The following YEATS2 variants were observed in gnomAD, a reference collection of about 807,000 sequenced individuals.
YEATS2 encodes YEATS domain containing 2, also known as YEATS domain-containing protein 2.
A neutral mutation model predicts 163.2 loss-of-function variants in YEATS2; 77 were observed. The observed-to-expected ratio is 0.47, with a 90% CI of 0.39 to 0.57. YEATS2 has a LOEUF of 0.57. Among genes scored for constraint, YEATS2 ranks in the 20% least tolerant of loss-of-function variants. YEATS2 has a pLI of 0.00. For missense variants in YEATS2, 1,549 were observed against 1,729.8 expected (o/e 0.90, Z 1.85); for synonymous variants, 631 against 645.1 (o/e 0.98, Z 0.33).
intron 1 of YEATS2, among the ~76,000 whole-genome samples, chr3:183,699,369 G>C (rs1713822426): frequency 6.6e-6 from 1 of 151,694 alleles, no homozygotes; most frequent in African/African-American, 2.4e-5. Context: ...TGAGGCAGTT[G>C]GATGTAGAGG....
chr3:183,716,508 G>C (rs932536507), intron 2 of YEATS2, among the ~76,000 whole-genome samples: 1 of 152,044 alleles, frequency 6.6e-6, no homozygotes, highest in Non-Finnish European at 1.5e-5. Flanking sequence ...ATCCCAAATA[G>C]TGAAAACATT....
chr3:183,793,891 G>A (rs1724903978), intron 21 of YEATS2, among the ~76,000 whole-genome samples: 2 of 152,130 alleles, frequency 1.3e-5, no homozygotes, highest in Admixed American at 1.3e-4. Flanking sequence ...AGGATTACAG[G>A]CGTGAGCCAC....
intron 14 of YEATS2, 112 bp downstream of exon 14, chr3:183,761,726 C>G (rs1047262933): frequency 3.8e-5 from 36 of 954,396 alleles, no homozygotes; most frequent in Non-Finnish European, 5.3e-5. Context: ...CTCAACTCCT[C>G]ATTCTGAGAC....
chr3:183,783,115 A>G (rs1339577563), intron 19 of YEATS2, among the ~76,000 whole-genome samples: 1 of 152,254 alleles, frequency 6.6e-6, no homozygotes, highest in Non-Finnish European at 1.5e-5. Context: ...GAATCTAGTC[A>G]TAACTTTTTC....
chr3:183,724,608 A>G (rs1179926664), intron 6 of YEATS2, 77 bp downstream of exon 6: 4 of 991,054 alleles, frequency 4.0e-6, no homozygotes, highest in Middle Eastern at 2.1e-4. Context: ...ACAGTGTTAC[A>G]GTAGGAAGCA....
chr3:183,747,221 A>G (rs770085070), intron 8 of YEATS2, among the ~76,000 whole-genome samples: 26 of 152,170 alleles, frequency 1.7e-4, no homozygotes, highest in Non-Finnish European at 2.9e-4. Flanking sequence ...GAATGTATGC[A>G]TTTAAAATAT....
intron 1 of YEATS2, among the ~76,000 whole-genome samples, chr3:183,701,398 AT>A (rs1395767542): frequency 7.8e-6 from 1 of 128,230 alleles, no homozygotes; most frequent in Non-Finnish European, 1.7e-5. Flanking sequence ...CAATATATAT[AT>A]TTTTTGAGAC....
chr3:183,801,405 C>G (rs764283754), intron 24 of YEATS2, 50 bp from the exon 25 acceptor site: 2 of 1,381,296 alleles, frequency 1.4e-6, no homozygotes, highest in African/African-American at 1.4e-5. Flanking sequence ...GCTATAGAAA[C>G]TGCTACATGT....
At chr3:183,769,637 ACT>A (rs911409669) in intron 15 of YEATS2, among the ~76,000 whole-genome samples, 60 of 152,324 alleles carry the variant, frequency 3.9e-4, no homozygotes, top group African/African-American at 1.4e-3. Flanking sequence ...CGAAACCTGC[ACT>A]GTTTCCTCTT....
intron 12 of YEATS2, among the ~76,000 whole-genome samples, chr3:183,758,448 T>A (rs925097998): frequency 2.0e-5 from 3 of 152,236 alleles, no homozygotes; most frequent in Non-Finnish European, 4.4e-5. Context: ...ATGCATATAT[T>A]CTGGCACATT....
intron 12 of YEATS2, among the ~76,000 whole-genome samples, chr3:183,757,352 G>A (rs567321874): frequency 6.1e-4 from 93 of 152,108 alleles, no homozygotes; most frequent in African/African-American, 1.3e-3. Context: ...GTGCAGTGGC[G>A]TGATCTCGGC....
Position 183,800,577 on chromosome 3 carries a change from TC to T in YEATS2, c.3428+11del, listed in dbSNP as rs1725575352. The T allele has an allele frequency of 6.2e-7, 1 of 1,609,398 alleles. No individual in the cohort carries two copies. Among genetic ancestry groups the T allele is most frequent in the African/African-American group, 1.3e-5 (1 of 74,828 alleles). ...GGAAACTATGTCATTAAGTAATTCT[TC>T]CAATCTTTCCTAAAGGAATTCCGCT... is the stretch of plus-strand genomic sequence containing the variant. On this transcript the variant is annotated intron_variant, in intron 24 of 30. Coordinates refer to ENST00000305135, the MANE Select transcript of YEATS2 (RefSeq NM_018023.5).
At chr3:183,759,912 T>C (rs1577130408) in intron 13 of YEATS2, among the ~76,000 whole-genome samples, 1 of 152,330 alleles carries the variant, frequency 6.6e-6, no homozygotes, top group Middle Eastern at 3.4e-3. Flanking sequence ...CGTTTAGCTA[T>C]TTGAAAATAA....
chr3:183,783,651 T>A (rs1192728425), intron 19 of YEATS2, among the ~76,000 whole-genome samples: 1 of 152,198 alleles, frequency 6.6e-6, no homozygotes, highest in Admixed American at 6.5e-5. Context: ...CATGTAGCCT[T>A]TGGTTTTCTG....
chr3:183,730,219 C>T (rs1473613026), intron 7 of YEATS2, among the ~76,000 whole-genome samples: 3 of 151,036 alleles, frequency 2.0e-5, no homozygotes, highest in Non-Finnish European at 4.4e-5. Flanking sequence ...TGCACGCCAC[C>T]ATGCCCAGCT....
chr3:183,730,067 T>TG (rs1717600936), intron 7 of YEATS2, among the ~76,000 whole-genome samples: 5 of 103,606 alleles, frequency 4.8e-5, no homozygotes, highest in South Asian at 3.4e-4. Flanking sequence ...TTTTTTTTTT[T>TG]TTTTTTTTTT....
intron 20 of YEATS2, 101 bp from the exon 21 acceptor site, chr3:183,790,696 T>C (rs1156752425): frequency 1.2e-5 from 16 of 1,290,374 alleles, no homozygotes; most frequent in Admixed American, 2.1e-5. Flanking sequence ...TAACACCTAA[T>C]AGATGATATT....
chr3:183,803,860 G>GT, intron 26 of YEATS2, 127 bp from the exon 27 acceptor site: 2 of 978,702 alleles, frequency 2.0e-6, no homozygotes, highest in Non-Finnish European at 3.0e-6. Context: ...ACACAACCAG[G>GT]TTTTTTTCTT....
At chr3:183,800,021 A>G (rs1166700707) in intron 23 of YEATS2, among the ~76,000 whole-genome samples, 2 of 151,676 alleles carry the variant, frequency 1.3e-5, no homozygotes, top group African/African-American at 4.8e-5. Flanking sequence ...TTTAGTAGAG[A>G]TGGGGTTTCA....
Sources: allele counts gnomAD v4.1 joint callset (sites outside exome capture counted in the v4.1 genomes callset), GRCh38; gene constraint gnomAD v4.1.1; transcripts MANE v1.5; gene names NCBI Gene and HGNC (gene_info 2026-07-23, HGNC 2026-07-21).